Variants in MAGI2 observed in about 807,000 individuals in gnomAD.
The protein encoded by MAGI2 is membrane-associated guanylate kinase, WW and PDZ domain-containing protein 2.
In MAGI2, 35 loss-of-function variants were observed where a neutral mutation model predicts 133.3. That is an observed-to-expected ratio of 0.26 (90% confidence interval 0.20 to 0.35). The LOEUF is 0.35. MAGI2 is among the 10% of genes least tolerant of loss of function. The probability of loss-of-function intolerance (pLI) is 1.00; values close to 1 mark genes in which losing one functional copy is unlikely to be tolerated. For missense variants in MAGI2, 1,636 were observed against 1,863.4 expected, an observed-to-expected ratio of 0.88 and a Z score of 2.25; for synonymous variants, 729 against 710.6, an observed-to-expected ratio of 1.03 and a Z score of -0.41.
chr7:79,187,827 G>A (rs527316194), intron 1 of MAGI2, among the ~76,000 whole-genome samples: 3 of 151,778 alleles, frequency 2.0e-5, no homozygotes, highest in African/African-American at 7.3e-5. Flanking sequence ...GGACTGTTTG[G>A]GATTGCCACT....
At chr7:79,270,995 A>G (rs903990169) in intron 1 of MAGI2, among the ~76,000 whole-genome samples, 4 of 151,780 alleles carry the variant, frequency 2.6e-5, no homozygotes, top group African/African-American at 9.7e-5. Context: ...TAACTCCCCT[A>G]TTTCCTTTAC....
At chr7:78,358,732 G>A (rs1376304043) in intron 7 of MAGI2, 1 of 212,456 alleles carries the variant, frequency 4.7e-6, no homozygotes, top group Non-Finnish European at 9.4e-6. Context: ...CAGCCACCAT[G>A]GGGGAGAAGA....
intron 2 of MAGI2, among the ~76,000 whole-genome samples, chr7:78,633,073 G>A (rs1346950060): frequency 3.3e-5 from 5 of 152,186 alleles, no homozygotes; most frequent in Non-Finnish European, 1.5e-5. Context: ...TAAAATGAAC[G>A]ACAGCATGTA....
intron 21 of MAGI2, among the ~76,000 whole-genome samples, chr7:78,052,888 T>C (rs751624163): frequency 2.0e-4 from 31 of 151,972 alleles, no homozygotes; most frequent in Non-Finnish European, 4.0e-4. Context: ...GTGGAAAAAT[T>C]AGAAAATTAA....
intron 6 of MAGI2, among the ~76,000 whole-genome samples, chr7:78,444,017 A>G (rs1787882787): frequency 1.3e-5 from 2 of 151,500 alleles, no homozygotes; most frequent in African/African-American, 2.4e-5. Context: ...AGACTCTCAC[A>G]TGTTTTTCTT....
At chr7:78,659,159 C>T (rs1584996639) in intron 2 of MAGI2, among the ~76,000 whole-genome samples, 1 of 151,880 alleles carries the variant, frequency 6.6e-6, no homozygotes, top group African/African-American at 2.4e-5. Flanking sequence ...TATTAAAAAC[C>T]TGTAAGAATA....
In MAGI2 at chr7:78,240,601, T is replaced by C. The variant is rs528159795; in HGVS notation, c.2047+15342A>G. On this transcript the variant is annotated intron_variant, in intron 10 of 21. Transcript: ENST00000354212. ...TCTAAAAAAGTTGATTTCATAGAAGTAGAAAGTAGAATGGTGGTTCCCAGA... is the reference window on the plus strand; with the variant it reads ...TCTAAAAAAGTTGATTTCATAGAAGCAGAAAGTAGAATGGTGGTTCCCAGA... Among the ~76,000 whole-genome samples the C allele has an allele frequency of 2.0e-5, 3 of 152,172 alleles. No individual in the cohort carries two copies. The South Asian group carries it at 6.2e-4, about 32-fold the overall frequency.
intron 7 of MAGI2, among the ~76,000 whole-genome samples, chr7:78,349,648 C>T (rs1273089228): frequency 1.3e-5 from 2 of 152,084 alleles, no homozygotes; most frequent in African/African-American, 2.4e-5. Context: ...TGCCTTGGAC[C>T]CCACAGACAG....
chr7:79,031,525 G>A (rs1403873754), intron 1 of MAGI2, among the ~76,000 whole-genome samples: 2 of 152,118 alleles, frequency 1.3e-5, no homozygotes, highest in Non-Finnish European at 2.9e-5. Context: ...TAAGCTGCAT[G>A]ACATTTATAT....
At chr7:78,202,009 A>G (rs772674319) in intron 10 of MAGI2, among the ~76,000 whole-genome samples, 37 of 152,242 alleles carry the variant, frequency 2.4e-4, no homozygotes, top group Admixed American at 4.6e-4. Context: ...CAAGCTTAAA[A>G]TAGAGGGAGA....
chr7:79,453,649 C>G lies in MAGI2; in HGVS notation c.-329G>C, dbSNP rs1332190308. 3 of 380,662 alleles carry G rather than the reference C, an allele frequency of 7.9e-6. No homozygotes were observed. The highest frequency in any genetic ancestry group is 1.1e-5 in the Non-Finnish European group (3 of 282,972). 23.6% of individuals were successfully genotyped at this position (380,662 alleles called of 1,614,324 possible). ...GGCGGCAGCCGGAGCGAGCAGTAGC[C>G]GAGCTGGTGAGCGGGTGTGGTGGGG... is the stretch of plus-strand genomic sequence containing the variant. On this transcript the variant is annotated 5_prime_UTR_variant, in exon 1 of 22. Transcript: ENST00000354212.
intron 1 of MAGI2, among the ~76,000 whole-genome samples, chr7:79,441,226 T>G (rs541904660): frequency 2.6e-5 from 4 of 152,268 alleles, no homozygotes; most frequent in Admixed American, 6.5e-5. Flanking sequence ...CTAAGAAAGT[T>G]GGGGAGGAGG....
At chr7:79,149,556 G>A (rs1283551174) in intron 1 of MAGI2, among the ~76,000 whole-genome samples, 1 of 152,092 alleles carries the variant, frequency 6.6e-6, no homozygotes, top group East Asian at 1.9e-4. Flanking sequence ...TTCCTTCAAA[G>A]ACTGAGCATT....
chr7:79,391,661 G>A (rs1585813042), intron 1 of MAGI2, among the ~76,000 whole-genome samples: 1 of 150,670 alleles, frequency 6.6e-6, no homozygotes, highest in Non-Finnish European at 1.5e-5. Flanking sequence ...CTTTCATGCC[G>A]TCATGTAGGT....
At chr7:78,761,285 A>G (rs1343357129) in intron 2 of MAGI2, among the ~76,000 whole-genome samples, 1 of 152,202 alleles carries the variant, frequency 6.6e-6, no homozygotes, top group African/African-American at 2.4e-5. Flanking sequence ...AAATGATTCC[A>G]TTCCATAGCT....
chr7:78,826,061 C>A (rs923375655), intron 2 of MAGI2, among the ~76,000 whole-genome samples: 2 of 151,912 alleles, frequency 1.3e-5, no homozygotes, highest in Admixed American at 1.3e-4. Context: ...GTTTTAAGAG[C>A]ATATTAATAG....
intron 10 of MAGI2, among the ~76,000 whole-genome samples, chr7:78,205,638 T>A (rs931393971): frequency 2.0e-5 from 3 of 152,246 alleles, no homozygotes; most frequent in African/African-American, 7.2e-5. Flanking sequence ...AAATTATTCA[T>A]TGTTTGAAAT....
At chr7:78,941,450 A>G (rs1281766635) in intron 2 of MAGI2, among the ~76,000 whole-genome samples, 1 of 152,108 alleles carries the variant, frequency 6.6e-6, no homozygotes, top group Non-Finnish European at 1.5e-5. Context: ...CTCAGGTTCA[A>G]GTGATTCTTG....
chr7:78,536,241 T>C (rs368446895), intron 3 of MAGI2, among the ~76,000 whole-genome samples: 12 of 143,466 alleles, frequency 8.4e-5, no homozygotes, highest in South Asian at 6.9e-4. Flanking sequence ...GCCTCCCAAG[T>C]AGCTGGGACT....
Sources: gnomAD v4.1 joint callset for allele counts (sites outside exome capture counted in the v4.1 genomes callset) on GRCh38, gnomAD v4.1.1 for gene constraint, MANE v1.5 for transcripts, NCBI Gene and HGNC (gene_info 2026-07-23, HGNC 2026-07-21) for gene names.